The following SULT1E1 variants were observed in gnomAD, a reference collection of about 807,000 sequenced individuals.
SULT1E1 encodes sulfotransferase 1E1.
SULT1E1 carries 36 observed loss-of-function variants against 33.6 expected under a neutral mutation model. That is an observed-to-expected ratio of 1.07 (90% CI 0.82 to 1.41). The LOEUF (loss-of-function observed/expected upper bound fraction) is 1.41, where lower values mean the gene tolerates loss of function less well. Ranked by LOEUF, SULT1E1 falls within the 40% of genes most tolerant of loss-of-function variation. The pLI, the probability that SULT1E1 is intolerant of heterozygous loss-of-function variation, is 0.00. For synonymous variants in SULT1E1, 121 were observed against 111.7 expected, an observed-to-expected ratio of 1.08 and a Z score of -0.53; for missense variants, 371 against 345.7, an observed-to-expected ratio of 1.07 and a Z score of -0.58.
chr4:69,845,188 C>G (rs1344807858), intron 6 of SULT1E1, among the ~76,000 whole-genome samples: 1 of 151,542 alleles, frequency 6.6e-6, no homozygotes, highest in Non-Finnish European at 1.5e-5. Flanking sequence ...TTAATAAGTA[C>G]AAAAATAGAG....
Position 69,844,286 on chromosome 4 carries a change from T to C in SULT1E1, c.647A>G (p.Glu216Gly), listed in dbSNP as rs1720934069. ...LIHFLERKPS[E>G]ELVDRIIHHT... ...ATGTATAATCCTGTCCACAAGCTCC[T>C]CTGATGGCTTCCTTTCCAGGAAATG... is the stretch of plus-strand genomic sequence containing the variant. Residue 216 changes from glutamate (E) to glycine (G), a missense_variant, in exon 7 of 8, where the codon GAG becomes GGG. Transcript: ENST00000226444. 12 of 1,613,732 alleles carry C rather than the reference T, an allele frequency of 7.4e-6. No individual in the cohort carries two copies. The highest frequency in any genetic ancestry group is 1.0e-5 in the Non-Finnish European group (12 of 1,179,804).
rs187442302 is a variant in SULT1E1 at position 69,843,494 on chromosome 4, T to C, written c.772+667A>G. Among the ~76,000 whole-genome samples the C allele has an allele frequency of 2.0e-4, 31 of 152,308 alleles. No homozygotes were observed. In the East Asian group the frequency reaches 5.6e-3, roughly 28 times the overall value. On this transcript the variant is annotated intron_variant, in intron 7 of 7. Transcript: ENST00000226444. Reference sequence around the variant, plus strand: ...TCCCTGACTCTCACTGACAGTATGGTTCAAAGAGCAAGATTTGATTCTATT... The same window carrying C: ...TCCCTGACTCTCACTGACAGTATGGCTCAAAGAGCAAGATTTGATTCTATT...
chr4:69,835,243 T>C, the SULT1E1 span, among the ~76,000 whole-genome samples: 1 of 152,212 alleles, frequency 6.6e-6, no homozygotes, highest in Non-Finnish European at 1.5e-5. Context: ...ACGTATCCTT[T>C]ATGTGTTTCC....
At chr4:69,858,815 G>T (rs1560559044) in intron 1 of SULT1E1, among the ~76,000 whole-genome samples, 1 of 152,138 alleles carries the variant, frequency 6.6e-6, no homozygotes, top group East Asian at 1.9e-4. Context: ...TGTATAAAAT[G>T]CACCACGATT....
intron 6 of SULT1E1, among the ~76,000 whole-genome samples, chr4:69,847,222 T>A (rs186403918): frequency 6.6e-6 from 1 of 151,886 alleles, no homozygotes; most frequent in African/African-American, 2.4e-5. Context: ...GCTATTTTTT[T>A]TCAAATCTGC....
chr4:69,857,990 G>A (rs1395479036), intron 1 of SULT1E1, among the ~76,000 whole-genome samples: 1 of 152,000 alleles, frequency 6.6e-6, no homozygotes, highest in East Asian at 1.9e-4. Flanking sequence ...AATTGCTGGG[G>A]CATATAAAAA....
the SULT1E1 span, among the ~76,000 whole-genome samples, chr4:69,836,104 A>G: frequency 4.2e-4 from 64 of 152,238 alleles, no homozygotes; most frequent in Non-Finnish European, 9.1e-4. Context: ...TAAAATGATT[A>G]CATTATTACC....
chr4:69,854,456 T>A, intron 3 of SULT1E1, 142 bp from the exon 4 acceptor site: 1 of 557,070 alleles, frequency 1.8e-6, no homozygotes, highest in East Asian at 3.0e-5. Context: ...TATAAATTCT[T>A]GAGGGAATGG....
chr4:69,859,422 G>GT (rs1337215726), intron 1 of SULT1E1, among the ~76,000 whole-genome samples: 1 of 152,018 alleles, frequency 6.6e-6, no homozygotes, highest in Non-Finnish European at 1.5e-5. Flanking sequence ...AGATTTACCT[G>GT]TATGAGGGCA....
intron 4 of SULT1E1, among the ~76,000 whole-genome samples, chr4:69,852,273 C>T (rs778684605): frequency 6.6e-6 from 1 of 152,088 alleles, no homozygotes; most frequent in Non-Finnish European, 1.5e-5. Context: ...CATTCAAATT[C>T]TTTTATCATT....
At chr4:69,840,291 G>T (rs936475936), downstream of SULT1E1, among the ~76,000 whole-genome samples, 3 of 152,028 alleles carry the variant, frequency 2.0e-5, no homozygotes, top group Non-Finnish European at 4.4e-5. Context: ...CAAAAAGTAA[G>T]AAAATAAATC....
the SULT1E1 span, among the ~76,000 whole-genome samples, chr4:69,827,200 G>A: frequency 6.6e-6 from 1 of 152,174 alleles, no homozygotes; most frequent in South Asian, 2.1e-4. Context: ...GAGATGTCAT[G>A]CTATTGTTAG....
At chr4:69,842,161 G>T in intron 7 of SULT1E1, 55 bp from the exon 8 acceptor site, 1 of 1,038,922 alleles carries the variant, frequency 9.6e-7, no homozygotes, top group Non-Finnish European at 1.5e-6. Flanking sequence ...AGAATCATTA[G>T]GTTTGCTAAT....
chr4:69,843,224 A>T (rs145581038), intron 7 of SULT1E1, among the ~76,000 whole-genome samples: 3 of 152,238 alleles, frequency 2.0e-5, no homozygotes, highest in African/African-American at 7.2e-5. Flanking sequence ...CAAAAACCAG[A>T]AGACAGAACA....
chr4:69,828,733 C>T, the SULT1E1 span, among the ~76,000 whole-genome samples: 11 of 152,340 alleles, frequency 7.2e-5, no homozygotes, highest in East Asian at 1.9e-4. Flanking sequence ...CATTCACTAC[C>T]GAGCCATCTT....
rs11569708 is a variant in SULT1E1, at chr4:69,849,474, G to A, written c.459C>T (p.Ser153=). Residue 153 remains serine (S), a synonymous_variant, in exon 5 of 8, where the codon TCC becomes TCT. Transcript: ENST00000226444. ...LMVAGHPNPG[S]FPEFVEKFMQ... ...TGAATTTCTCCACAAACTCTGGAAA[G>A]GATCCAGGATTTGGATGACCAGCCA... The A allele has an allele frequency of 1.1e-3, 1,777 of 1,611,708 alleles. 20 individuals are homozygous for A. In the African/African-American group the frequency reaches 0.022, roughly 20 times the overall value.
the SULT1E1 span, among the ~76,000 whole-genome samples, chr4:69,831,812 T>C: frequency 6.6e-6 from 1 of 152,108 alleles, no homozygotes; most frequent in Non-Finnish European, 1.5e-5. Context: ...CAGATGTGGA[T>C]TGTCACTAGC....
the SULT1E1 span, among the ~76,000 whole-genome samples, chr4:69,835,926 G>C: frequency 1.3e-5 from 2 of 152,146 alleles, no homozygotes; most frequent in Admixed American, 6.5e-5. Context: ...TTACAGACAT[G>C]AGCCACAGTT....
chr4:69,838,300 C>G (rs1271420407), downstream of SULT1E1: 1 of 149,794 alleles, frequency 6.7e-6, no homozygotes, highest in Non-Finnish European at 1.5e-5. Flanking sequence ...TTTTTTTTTA[C>G]TTTATTCTGT....
Sources: gnomAD v4.1 joint callset for allele counts (sites outside exome capture counted in the v4.1 genomes callset) on GRCh38, gnomAD v4.1.1 for gene constraint, MANE v1.5 for transcripts, NCBI Gene and HGNC (gene_info 2026-07-23, HGNC 2026-07-21) for gene names.